C12orf42: variants seen among roughly 807,000 people sequenced by gnomAD.
C12orf42 encodes the protein chromosome 12 open reading frame 42.
C12orf42 carries 25 observed loss-of-function variants against 21.6 expected under a neutral mutation model. That is an observed-to-expected ratio of 1.16 (90% confidence interval 0.84 to 1.62). The LOEUF is 1.62. C12orf42 is among the 40% of genes most tolerant of loss of function. C12orf42 has a pLI of 0.00. For missense variants in C12orf42, 483 were observed against 459.3 expected, an observed-to-expected ratio of 1.05 and a Z score of -0.47; for synonymous variants, 174 against 175.0, an observed-to-expected ratio of 0.99 and a Z score of 0.05.
chr12:103,436,847 G>T (rs1950763025), intron 2 of C12orf42, among the ~76,000 whole-genome samples: 1 of 149,964 alleles, frequency 6.7e-6, no homozygotes, highest in Non-Finnish European at 1.5e-5. Context: ...ACAGATCAAT[G>T]AGACAGAAAG....
chr12:103,501,824 C>A, the C12orf42 span, among the ~76,000 whole-genome samples: 2 of 152,170 alleles, frequency 1.3e-5, no homozygotes, highest in Non-Finnish European at 2.9e-5. Flanking sequence ...AAGCCAAATT[C>A]AGCCCACAGA....
the C12orf42 span, among the ~76,000 whole-genome samples, chr12:103,092,910 T>C: frequency 6.6e-6 from 1 of 152,226 alleles, no homozygotes; most frequent in Non-Finnish European, 1.5e-5. Flanking sequence ...GCCACCATCC[T>C]GGGTCTCCCT....
chr12:103,193,888 G>C, the C12orf42 span, among the ~76,000 whole-genome samples: 2 of 152,030 alleles, frequency 1.3e-5, no homozygotes, highest in African/African-American at 2.4e-5. Context: ...CAAAACTATA[G>C]GCCATTATCC....
chr12:103,264,210 A>G (rs1270955203), downstream of C12orf42, among the ~76,000 whole-genome samples: 1 of 152,096 alleles, frequency 6.6e-6, no homozygotes, highest in Non-Finnish European at 1.5e-5. Context: ...GAGGATTCTA[A>G]GTGGAGCCTC....
At chr12:103,481,406 T>C (rs1338062487) in intron 1 of C12orf42, among the ~76,000 whole-genome samples, 2 of 151,926 alleles carry the variant, frequency 1.3e-5, no homozygotes, top group Non-Finnish European at 2.9e-5. Flanking sequence ...CAAGAGTCTG[T>C]CACATCCTAA....
chr12:103,195,365 G>A, the C12orf42 span, among the ~76,000 whole-genome samples: 3 of 152,108 alleles, frequency 2.0e-5, no homozygotes, highest in Admixed American at 2.0e-4. Context: ...TTGAGGAATT[G>A]TCAAACTGCT....
At chr12:103,062,933 T>C in the C12orf42 span, among the ~76,000 whole-genome samples, 1 of 152,208 alleles carries the variant, frequency 6.6e-6, no homozygotes, top group African/African-American at 2.4e-5. Context: ...TGCCGTTGGC[T>C]GCTTAATATG....
chr12:103,342,004 C>T (rs2042210435), intron 4 of C12orf42, among the ~76,000 whole-genome samples: 1 of 151,842 alleles, frequency 6.6e-6, no homozygotes, highest in South Asian at 2.1e-4. Context: ...TCTGGAGAAC[C>T]CTGACTAACA....
At chr12:103,505,596 GT>G in the C12orf42 span, 1 of 321,850 alleles carries the variant, frequency 3.1e-6, no homozygotes, top group Non-Finnish European at 5.8e-6. Flanking sequence ...TCTAGCCCAT[GT>G]CTGAGTCTTA....
At chr12:103,495,396 ACCGCTCCGCCCGGCCCCTCCC>A (rs998277591) in intron 1 of C12orf42, among the ~76,000 whole-genome samples, 1 of 151,254 alleles carries the variant, frequency 6.6e-6, no homozygotes, top group Non-Finnish European at 1.5e-5. Context: ...ACCGCCCCCA[ACCGCTCCGCCCGGCCCCTCCC>A]CCGCTCCCTC....
the C12orf42 span, among the ~76,000 whole-genome samples, chr12:103,080,288 G>A: frequency 6.6e-5 from 10 of 152,120 alleles, no homozygotes; most frequent in Non-Finnish European, 1.3e-4. Flanking sequence ...TGTGATTCAG[G>A]ACATAGTTAT....
At chr12:103,146,280 A>C in the C12orf42 span, among the ~76,000 whole-genome samples, 1 of 151,936 alleles carries the variant, frequency 6.6e-6, no homozygotes, top group East Asian at 1.9e-4. Context: ...CAGGAGTTTG[A>C]GACCAGCCTC....
At chr12:103,265,894 C>G (rs191352633), downstream of C12orf42, among the ~76,000 whole-genome samples, 2 of 151,986 alleles carry the variant, frequency 1.3e-5, no homozygotes, top group Admixed American at 1.3e-4. Flanking sequence ...AATCTTTTGT[C>G]TAGGGGTGTG....
the C12orf42 span, among the ~76,000 whole-genome samples, chr12:103,561,102 C>T: frequency 6.6e-6 from 1 of 152,122 alleles, no homozygotes; most frequent in African/African-American, 2.4e-5. Context: ...CCTCTCTCCC[C>T]CAGGGTGAAT....
chr12:103,101,524 T>C, the C12orf42 span, among the ~76,000 whole-genome samples: 1 of 152,218 alleles, frequency 6.6e-6, no homozygotes, highest in Admixed American at 6.5e-5. Flanking sequence ...TATACTCATG[T>C]TCATCCTTGA....
chr12:103,127,359 A>T, the C12orf42 span, among the ~76,000 whole-genome samples: 2 of 152,362 alleles, frequency 1.3e-5, no homozygotes, highest in East Asian at 3.9e-4. Context: ...ACATTCATGC[A>T]AAATACCTAG....
chr12:103,302,947 T>C (rs1423217265), intron 5 of C12orf42, among the ~76,000 whole-genome samples: 1 of 152,192 alleles, frequency 6.6e-6, no homozygotes, highest in Non-Finnish European at 1.5e-5. Context: ...TGGAAAATTG[T>C]CAAGCGGAGT....
At chr12:103,092,965 A>C in the C12orf42 span, among the ~76,000 whole-genome samples, 1 of 152,022 alleles carries the variant, frequency 6.6e-6, no homozygotes, top group Non-Finnish European at 1.5e-5. Flanking sequence ...TCCTGTCCAC[A>C]TCTCTGGACC....
At chr12:103,352,839 G>A (rs1281510829) in intron 4 of C12orf42, among the ~76,000 whole-genome samples, 7 of 152,126 alleles carry the variant, frequency 4.6e-5, no homozygotes, top group Non-Finnish European at 1.0e-4. Flanking sequence ...ATGGACACTT[G>A]AGGAAAAGTG....
Sources: allele counts gnomAD v4.1 joint callset (sites outside exome capture counted in the v4.1 genomes callset), GRCh38; gene constraint gnomAD v4.1.1; transcripts MANE v1.5; gene names NCBI Gene and HGNC (gene_info 2026-07-23, HGNC 2026-07-21).